Variants in CNTNAP2 observed in about 807,000 individuals in gnomAD.
CNTNAP2 encodes contactin-associated protein-like 2.
CNTNAP2 carries 98 observed loss-of-function variants against 155.2 expected under a neutral mutation model. The observed-to-expected ratio is 0.63, with a 90% CI of 0.54 to 0.75. The LOEUF is 0.75. Among genes scored for constraint, CNTNAP2 ranks in the 30% least tolerant of loss-of-function variants. The probability of loss-of-function intolerance (pLI) is 0.00; values close to 1 mark genes in which losing one functional copy is unlikely to be tolerated. For synonymous variants in CNTNAP2, 651 were observed against 631.2 expected (o/e 1.03, Z -0.47); for missense variants, 1,727 against 1,688.1 (o/e 1.02, Z -0.40).
intron 15 of CNTNAP2, among the ~76,000 whole-genome samples, chr7:148,107,661 C>T (rs1365992135): frequency 1.3e-5 from 2 of 152,174 alleles, no homozygotes; most frequent in African/African-American, 4.8e-5. Flanking sequence ...GACAAATAGA[C>T]TCAAATTTGC....
chr7:147,925,288 G>A (rs2430236), intron 14 of CNTNAP2, among the ~76,000 whole-genome samples: 3 of 67,324 alleles, frequency 4.5e-5, no homozygotes, highest in South Asian at 5.2e-4. Context: ...ACACAAGCGC[G>A]CGCGCACACA....
intron 1 of CNTNAP2, among the ~76,000 whole-genome samples, chr7:146,680,069 T>C (rs1800474675): frequency 6.6e-6 from 1 of 152,182 alleles, no homozygotes; most frequent in Non-Finnish European, 1.5e-5. Flanking sequence ...TTCTAAAATG[T>C]AGCGGATTTA....
chr7:146,132,513 A>C (rs374038164), intron 1 of CNTNAP2, among the ~76,000 whole-genome samples: 3 of 150,662 alleles, frequency 2.0e-5, no homozygotes, highest in Non-Finnish European at 3.0e-5. Context: ...GCACTGCACC[A>C]ACTAACTCGT....
At chr7:147,375,015 T>C (rs1796411411) in intron 9 of CNTNAP2, among the ~76,000 whole-genome samples, 1 of 151,982 alleles carries the variant, frequency 6.6e-6, no homozygotes, top group African/African-American at 2.4e-5. Flanking sequence ...GTTCTCATGA[T>C]AGTGAGTTCT....
intron 1 of CNTNAP2, among the ~76,000 whole-genome samples, chr7:146,700,593 T>G (rs1282682336): frequency 6.6e-6 from 1 of 152,128 alleles, no homozygotes; most frequent in Non-Finnish European, 1.5e-5. Flanking sequence ...AGTGAAAATA[T>G]ACTGTGTGGG....
intron 3 of CNTNAP2, among the ~76,000 whole-genome samples, chr7:146,946,270 G>A (rs893896478): frequency 1.9e-4 from 29 of 151,972 alleles, no homozygotes; most frequent in African/African-American, 6.8e-4. Flanking sequence ...AGGAAGCCTC[G>A]GAAAAGCTTT....
At chr7:146,943,921 A>G (rs1797105731) in intron 3 of CNTNAP2, among the ~76,000 whole-genome samples, 1 of 152,208 alleles carries the variant, frequency 6.6e-6, no homozygotes, top group African/African-American at 2.4e-5. Context: ...GCTCACCGCA[A>G]TAGCAGTAAC....
intron 1 of CNTNAP2, among the ~76,000 whole-genome samples, chr7:146,664,575 A>ACATT (rs1800154944): frequency 6.6e-6 from 1 of 152,224 alleles, no homozygotes. Flanking sequence ...GGATTTTTGT[A>ACATT]TTCATATTCA....
chr7:146,924,051 C>A (rs893715219), intron 3 of CNTNAP2, among the ~76,000 whole-genome samples: 1 of 151,870 alleles, frequency 6.6e-6, no homozygotes, highest in Admixed American at 6.6e-5. Context: ...TTTCTTCTGC[C>A]GCGGTTCTTG....
Position 146,840,825 on chromosome 7 carries a change from T to C in CNTNAP2, c.402+921T>C, listed in dbSNP as rs78685681. 1.5e-3 allele frequency among the ~76,000 whole-genome samples: 223 copies of C among 152,326 alleles called. 3 individuals are homozygous for C. The East Asian group carries it at 0.026, about 18-fold the overall frequency. ...AATTTCTAGCTAAAGTGGATGTTCA[T>C]TTCTACAGCAGTATGTGAAATAAGG... On this transcript the variant is annotated intron_variant, in intron 3 of 23. Transcript: ENST00000361727.
At chr7:147,999,869 G>A (rs538371316) in intron 15 of CNTNAP2, among the ~76,000 whole-genome samples, 5 of 152,272 alleles carry the variant, frequency 3.3e-5, no homozygotes, top group East Asian at 1.9e-4. Flanking sequence ...AGAGAGGCAC[G>A]GGTGAACATT....
At chr7:147,446,209 C>T (rs981352882) in intron 10 of CNTNAP2, among the ~76,000 whole-genome samples, 1 of 151,506 alleles carries the variant, frequency 6.6e-6, no homozygotes, top group African/African-American at 2.4e-5. Flanking sequence ...TCTCCTCCCC[C>T]CACCCCTCAC....
At chr7:147,472,139 A>G (rs559815463) in intron 10 of CNTNAP2, among the ~76,000 whole-genome samples, 10 of 152,028 alleles carry the variant, frequency 6.6e-5, no homozygotes, top group Non-Finnish European at 1.5e-4. Flanking sequence ...AGATCATGCA[A>G]AAACATACAA....
intron 15 of CNTNAP2, 127 bp downstream of exon 15, chr7:147,978,116 C>A (rs1765937592): frequency 7.7e-7 from 1 of 1,294,306 alleles, no homozygotes; most frequent in East Asian, 2.5e-5. Context: ...TCACACAACC[C>A]AAGCAGAGAT....
chr7:147,742,874 G>C (rs990233770), intron 13 of CNTNAP2, among the ~76,000 whole-genome samples: 3 of 152,168 alleles, frequency 2.0e-5, no homozygotes, highest in South Asian at 2.1e-4. Flanking sequence ...GAATTTCATG[G>C]ATTTATTTCA....
intron 1 of CNTNAP2, among the ~76,000 whole-genome samples, chr7:146,275,942 G>A (rs192571071): frequency 5.9e-5 from 9 of 152,290 alleles, no homozygotes; most frequent in Admixed American, 5.2e-4. Context: ...AGGGGGTTGT[G>A]TGCTACTGGC....
intron 4 of CNTNAP2, among the ~76,000 whole-genome samples, chr7:147,074,035 T>C (rs576479299): frequency 1.1e-3 from 163 of 152,316 alleles, no homozygotes; most frequent in Non-Finnish European, 2.0e-3. Context: ...AATTAACCTA[T>C]TATTATTTCT....
rs1183037026 is a variant in CNTNAP2 at position 147,599,077 on chromosome 7, T to C, written c.1897+36820T>C. The stretch of plus-strand genomic sequence containing the variant: ...TGGGCTAAAATAAACTGTCCCAATA[T>C]ATAAGGACCACGTTGTAAAAACTTC... On this transcript the variant is annotated intron_variant, in intron 12 of 23. Coordinates refer to ENST00000361727, the MANE Select transcript of CNTNAP2 (RefSeq NM_014141.6). Among the ~76,000 whole-genome samples the C allele has an allele frequency of 5.9e-5, 9 of 152,156 alleles. No individual in the cohort carries two copies. The South Asian group carries it at 1.9e-3, about 31-fold the overall frequency.
At chr7:147,528,377 A>T (rs1484902652) in intron 11 of CNTNAP2, among the ~76,000 whole-genome samples, 1 of 152,150 alleles carries the variant, frequency 6.6e-6, no homozygotes, top group Non-Finnish European at 1.5e-5. Context: ...CTAAGGATGC[A>T]GGTGTGTCTC....
Sources: allele counts gnomAD v4.1 joint callset (sites outside exome capture counted in the v4.1 genomes callset), GRCh38; gene constraint gnomAD v4.1.1; transcripts MANE v1.5; gene names NCBI Gene and HGNC (gene_info 2026-07-23, HGNC 2026-07-21).